Variants in DAAM1 observed in about 807,000 individuals in gnomAD.
DAAM1 encodes the protein dishevelled associated activator of morphogenesis 1, also known as disheveled-associated activator of morphogenesis 1.
A neutral mutation model predicts 130.0 loss-of-function variants in DAAM1; 52 were observed. The observed-to-expected ratio is 0.40, with a 90% CI of 0.32 to 0.50. DAAM1 has a LOEUF of 0.50. DAAM1 is among the 20% of genes least tolerant of loss of function. The pLI is 0.61. For missense variants in DAAM1, 1,134 were observed against 1,303.8 expected (o/e 0.87, Z 2.01); for synonymous variants, 452 against 444.5 (o/e 1.02, Z -0.21).
intron 24 of DAAM1, 101 bp downstream of exon 24, chr14:59,367,700 G>C: frequency 7.0e-7 from 1 of 1,430,300 alleles, no homozygotes. Flanking sequence ...CAGGAAGGAA[G>C]GCTTCAATGT....
intron 2 of DAAM1, chr14:59,264,925 G>A (rs1367414231): frequency 2.0e-5 from 3 of 152,062 alleles, no homozygotes; most frequent in African/African-American, 7.2e-5. Context: ...CCTGGTGTTT[G>A]GTTTTCTGTT....
chr14:59,230,504 C>A (rs996633404), intron 1 of DAAM1, among the ~76,000 whole-genome samples: 1 of 152,036 alleles, frequency 6.6e-6, no homozygotes, highest in Non-Finnish European at 1.5e-5. Context: ...TTATTCATTG[C>A]AAGTTCTCTC....
chr14:59,222,672 A>G (rs1888813860), intron 1 of DAAM1, among the ~76,000 whole-genome samples: 1 of 152,238 alleles, frequency 6.6e-6, no homozygotes, highest in African/African-American at 2.4e-5. Context: ...AGGTCATTCT[A>G]TCCACTTGAA....
At chr14:59,341,682 C>T (rs1885855249) in intron 16 of DAAM1, among the ~76,000 whole-genome samples, 1 of 152,160 alleles carries the variant, frequency 6.6e-6, no homozygotes, top group African/African-American at 2.4e-5. Flanking sequence ...AACATATTCC[C>T]CTCCAATAAG....
chr14:59,346,138 TGG>T (rs36023292), intron 16 of DAAM1, among the ~76,000 whole-genome samples: 55,055 of 119,836 alleles, frequency 0.46, 11,941 homozygotes, highest in East Asian at 0.8. Context: ...CCCTTTTTTT[TGG>T]GGGGGGGGGG....
rs145454018 is a variant in DAAM1, at chr14:59,351,057, C to T, written c.2161-1469C>T. On this transcript the variant is annotated intron_variant, in intron 17 of 24. Transcript: ENST00000360909. ...TTAAACTCACCTTCTCCTCCCCATC[C>T]CGGCCCACCCTACCTCCAGCCTTCT... Among the ~76,000 whole-genome samples, 963 of 152,194 alleles carry T rather than the reference C, an allele frequency of 6.3e-3. 8 individuals carry two copies. The highest frequency in any genetic ancestry group is 0.01 in the Non-Finnish European group (705 of 67,994).
At chr14:59,344,602 G>A (rs1265808884) in intron 16 of DAAM1, among the ~76,000 whole-genome samples, 1 of 152,164 alleles carries the variant, frequency 6.6e-6, no homozygotes, top group Non-Finnish European at 1.5e-5. Flanking sequence ...TGATCCAACA[G>A]GACGCGTGCA....
chr14:59,232,651 A>C (rs1053030037), intron 1 of DAAM1, among the ~76,000 whole-genome samples: 2 of 144,068 alleles, frequency 1.4e-5, no homozygotes, highest in Non-Finnish European at 3.1e-5. Flanking sequence ...TTTTCTTTTA[A>C]GTTCTGGGAT....
chr14:59,309,219 G>A (rs1381511446), intron 3 of DAAM1, among the ~76,000 whole-genome samples: 1 of 152,088 alleles, frequency 6.6e-6, no homozygotes, highest in African/African-American at 2.4e-5. Flanking sequence ...AGAGTTGGGG[G>A]CAAATATCAG....
chr14:59,320,642 C>CT, intron 5 of DAAM1, 58 bp downstream of exon 5: 1 of 1,295,452 alleles, frequency 7.7e-7, no homozygotes, highest in Non-Finnish European at 1.1e-6. Flanking sequence ...CCTTTTTTTG[C>CT]AATAGTCAAA....
chr14:59,315,801 A>G (rs1884771228), intron 4 of DAAM1, among the ~76,000 whole-genome samples: 1 of 152,154 alleles, frequency 6.6e-6, no homozygotes. Context: ...ATGATTTTGC[A>G]GGGGACCAAG....
chr14:59,367,416 A>G lies in DAAM1; in HGVS notation c.2827-13A>G, dbSNP rs1886962525. On this transcript the variant is annotated splice_polypyrimidine_tract_variant and intron_variant, in intron 23 of 24. Coordinates refer to ENST00000360909, the MANE Select transcript of DAAM1 (RefSeq NM_001270520.2). ...CATGAAACATTGACTTCTTAAAACC[A>G]TCTTTTTCCTAGTTTACTAAAGCAG... is the stretch of plus-strand genomic sequence containing the variant. 2.5e-6 allele frequency: 4 copies of G among 1,588,142 alleles called. No homozygotes were observed. The highest frequency in any genetic ancestry group is 3.4e-6 in the Non-Finnish European group (4 of 1,164,728).
At chr14:59,368,567 A>C in intron 24 of DAAM1, 83 bp from the exon 25 acceptor site, 1 of 1,385,748 alleles carries the variant, frequency 7.2e-7, no homozygotes, top group Non-Finnish European at 9.8e-7. Context: ...GAGCATTACC[A>C]TATTTCAAGG....
chr14:59,365,157 C>T (rs1886868663), intron 23 of DAAM1, among the ~76,000 whole-genome samples: 1 of 152,158 alleles, frequency 6.6e-6, no homozygotes, highest in Non-Finnish European at 1.5e-5. Flanking sequence ...GGTAAATTTT[C>T]CCCTTGCACA....
Position 59,366,593 on chromosome 14 carries a change from A to ATAAAAAGTCATAG in DAAM1, c.2827-835_2827-823dup, listed in dbSNP as rs1397661606. ...TTTTGTTTTTACTACTGTTTAGTTA[A>ATAAAAAGTCATAG]TAAAAAGTCATAGGAGGTCATCATA... On this transcript the variant is annotated intron_variant, in intron 23 of 24. Transcript: ENST00000360909. 2.6e-5 allele frequency among the ~76,000 whole-genome samples: 4 copies of ATAAAAAGTCATAG among 152,220 alleles called. No homozygotes were observed. In the East Asian group the frequency reaches 7.7e-4, roughly 29 times the overall value.
Position 59,286,492 on chromosome 14 carries a change from A to G in DAAM1, c.184-4725A>G, listed in dbSNP as rs142598446. ...CAAAAAGTCAGCAAACCAAAAATTT[A>G]ATCTTTCTTGGAAAGATTAAACAAG... On this transcript the variant is annotated intron_variant, in intron 2 of 24. Coordinates refer to ENST00000360909, the MANE Select transcript of DAAM1 (RefSeq NM_001270520.2). Among the ~76,000 whole-genome samples, 89 of 152,232 alleles carry G rather than the reference A, an allele frequency of 5.8e-4. 2 individuals are homozygous for G. The East Asian group carries it at 0.016, about 28-fold the overall frequency.
intron 1 of DAAM1, among the ~76,000 whole-genome samples, chr14:59,204,193 G>A (rs1299330190): frequency 6.6e-6 from 1 of 152,186 alleles, no homozygotes; most frequent in Non-Finnish European, 1.5e-5. Flanking sequence ...CTCTGCCCAG[G>A]GTCTTAGCAG....
At chr14:59,241,053 GATGTCTTCAGT>G (rs1881094026) in intron 1 of DAAM1, among the ~76,000 whole-genome samples, 1 of 152,218 alleles carries the variant, frequency 6.6e-6, no homozygotes, top group Admixed American at 6.5e-5. Flanking sequence ...GTGCTTCAAA[GATGTCTTCAGT>G]ATGTTATGGT....
At chr14:59,200,821 T>A (rs1441352979) in intron 1 of DAAM1, among the ~76,000 whole-genome samples, 1 of 152,188 alleles carries the variant, frequency 6.6e-6, no homozygotes, top group Non-Finnish European at 1.5e-5. Context: ...TTAGGGATGC[T>A]GACTCAGTAG....
Sources: gnomAD v4.1 joint callset for allele counts (sites outside exome capture counted in the v4.1 genomes callset) on GRCh38, gnomAD v4.1.1 for gene constraint, MANE v1.5 for transcripts, NCBI Gene and HGNC (gene_info 2026-07-23, HGNC 2026-07-21) for gene names.